Variants in AQP7 observed in about 807,000 individuals in gnomAD.
AQP7 encodes aquaporin-7.
In AQP7, 22 loss-of-function variants were observed where a neutral mutation model predicts 26.1. The ratio of observed to expected loss-of-function variants is 0.84; its 90% CI spans 0.60 to 1.20. The LOEUF (loss-of-function observed/expected upper bound fraction) is 1.20, where lower values mean the gene tolerates loss of function less well. Among genes scored for constraint, AQP7 ranks in the 50% most tolerant of loss-of-function variants. The pLI is 0.00. For missense variants in AQP7, 412 were observed against 457.5 expected (o/e 0.90, Z 0.91); for synonymous variants, 167 against 181.7 (o/e 0.92, Z 0.65).
At chr9:33,387,206 C>A in intron 3 of AQP7, 114 bp from the exon 4 acceptor site, 2 of 1,250,198 alleles carry the variant, frequency 1.6e-6, no homozygotes, top group Non-Finnish European at 2.2e-6. Context: ...CCTGGCATTG[C>A]CTCGAAGACC....
chr9:33,389,957 C>A (rs2785208), intron 3 of AQP7, among the ~76,000 whole-genome samples: 1 of 150,720 alleles, frequency 6.6e-6, no homozygotes, highest in South Asian at 2.1e-4. Flanking sequence ...GAACCCAAGA[C>A]GCGGAGCTTG....
intron 3 of AQP7, among the ~76,000 whole-genome samples, chr9:33,393,410 C>T (rs1444879357): frequency 6.6e-6 from 1 of 152,212 alleles, no homozygotes; most frequent in Non-Finnish European, 1.5e-5. Flanking sequence ...ACTGGTCACT[C>T]AGTGGCAGGG....
intron 2 of AQP7, among the ~76,000 whole-genome samples, chr9:33,396,438 C>CAA (rs3055483): frequency 0.079 from 2,392 of 30,184 alleles, 72 homozygotes; most frequent in Non-Finnish European, 0.11. Flanking sequence ...GACTCCATCT[C>CAA]AAAAAAAAAA....
rs528237137 is a variant in AQP7, at chr9:33,386,212, T to C, written c.407-17A>G. The C allele has an allele frequency of 9.9e-6, 16 of 1,613,876 alleles. No homozygotes were observed. In the South Asian group the frequency reaches 1.4e-4, roughly 14 times the overall value. On this transcript the variant is annotated splice_polypyrimidine_tract_variant and intron_variant, in intron 5 of 7. Transcript: ENST00000297988. ...GAATGGCCGCTGCGGAGACACAGAC[T>C]GTCATGCGAACCTGCTCCCAACTAA...
In AQP7 at chr9:33,384,507, A is replaced by G. The variant is rs181268777; in HGVS notation, c.*498T>C. On this transcript the variant is annotated 3_prime_UTR_variant, in exon 8 of 8. Transcript: ENST00000297988. ...TAAGAAAAAAAAAATCTAGAAGAATACTAGGGAAGGAACTAATGAAAAAAA... is the reference window on the plus strand; with the variant it reads ...TAAGAAAAAAAAAATCTAGAAGAATGCTAGGGAAGGAACTAATGAAAAAAA... The G allele has an allele frequency of 6.5e-6, 1 of 153,094 alleles. No homozygotes were observed. Among genetic ancestry groups the G allele is most frequent in the Non-Finnish European group, 1.5e-5 (1 of 68,636 alleles). The allele number at this position is 153,094 out of a possible 1,614,324, so 9.5% of individuals were successfully genotyped here.
intron 3 of AQP7, among the ~76,000 whole-genome samples, chr9:33,387,351 C>A (rs1824943157): frequency 6.6e-6 from 1 of 152,260 alleles, no homozygotes; most frequent in Non-Finnish European, 1.5e-5. Flanking sequence ...GACAAACATC[C>A]AAGCACCTCA....
At chr9:33,397,162 G>A (rs1825915928) in intron 2 of AQP7, among the ~76,000 whole-genome samples, 1 of 151,622 alleles carries the variant, frequency 6.6e-6, no homozygotes, top group African/African-American at 2.4e-5. Flanking sequence ...CCTAAGGGCT[G>A]GGATCATACC....
At chr9:33,394,148 C>T (rs150333675) in intron 3 of AQP7, 6,576 of 152,392 alleles carry the variant, frequency 0.043, 194 homozygotes, top group Non-Finnish European at 0.064. Flanking sequence ...TGCTGGGCCC[C>T]GTGCTCCAGA....
At chr9:33,398,973 CTT>C (rs10533009) in intron 2 of AQP7, among the ~76,000 whole-genome samples, 15,065 of 139,260 alleles carry the variant, frequency 0.11, 763 homozygotes, top group Middle Eastern at 0.16. Context: ...TTTCTTTTTC[CTT>C]TTTTTTTTTT....
At position 33,384,312 on chromosome 9, in the gene AQP7, A is replaced by G. The variant is rs577769004; in HGVS notation, c.*693T>C. On this transcript the variant is annotated 3_prime_UTR_variant, in exon 8 of 8. Transcript: ENST00000297988. The stretch of plus-strand genomic sequence containing the variant: ...ACCAGGAAGAAGAAAGAGGAGCCCA[A>G]CCCCTTAACAGCCTTCAATCTATAA... The G allele has an allele frequency of 1.3e-5, 2 of 151,978 alleles. No individual in the cohort carries two copies. The highest frequency in any genetic ancestry group is 2.4e-5 in the African/African-American group (1 of 41,350). The allele number at this position is 151,978 out of a possible 1,614,324, so 9.4% of individuals were successfully genotyped here.
Position 33,386,155 on chromosome 9 carries a change from G to T in AQP7, c.447C>A (p.Thr149=). 1 of 1,613,966 alleles carries T rather than the reference G, an allele frequency of 6.2e-7. No individual in the cohort carries two copies. The highest frequency in any genetic ancestry group is 1.3e-5 in the African/African-American group (1 of 75,044). ...LHFSGGQLMV[T]GPVATAGIFA... The stretch of plus-strand genomic sequence containing the variant: ...AAATGCCAGCTGTAGCGACGGGACC[G>T]GTCACCATCAGCTGTCCACCCGAAA... The change falls in exon 6 of 8, where the codon ACC becomes ACA. Residue 149 remains threonine, a synonymous_variant. Coordinates refer to ENST00000297988, the MANE Select transcript of AQP7 (RefSeq NM_001170.3).
intron 3 of AQP7, among the ~76,000 whole-genome samples, chr9:33,387,311 G>A (rs898782948): frequency 2.0e-5 from 3 of 152,094 alleles, no homozygotes; most frequent in Admixed American, 6.5e-5. Context: ...ACTGAGAGCC[G>A]GGTGGAGCGG....
At chr9:33,386,051 A>C (rs202205445) in intron 6 of AQP7, 26 bp downstream of exon 6, 2 of 1,611,436 alleles carry the variant, frequency 1.2e-6, no homozygotes, top group East Asian at 4.5e-5. Flanking sequence ...GGGCAGGGGG[A>C]GGGATACTCA....
intron 3 of AQP7, chr9:33,391,609 C>T (rs1419719055): frequency 5.8e-6 from 1 of 171,606 alleles, no homozygotes; most frequent in African/African-American, 2.4e-5. Context: ...AGTCCACTTC[C>T]CTCATCCTGG....
chr9:33,390,428 G>A (rs1419655973), intron 3 of AQP7, among the ~76,000 whole-genome samples: 2 of 151,640 alleles, frequency 1.3e-5, no homozygotes, highest in Non-Finnish European at 2.9e-5. Flanking sequence ...AGGAAGTGTT[G>A]ATTATTTTAC....
chr9:33,395,335 G>C, intron 2 of AQP7, 140 bp from the exon 3 acceptor site: 1 of 694,552 alleles, frequency 1.4e-6, no homozygotes, highest in Non-Finnish European at 2.5e-6. Flanking sequence ...AGGGCAGCTG[G>C]GACAGCTGGA....
chr9:33,394,977 A>G (rs1290446369), intron 3 of AQP7, 101 bp downstream of exon 3: 3 of 1,021,424 alleles, frequency 2.9e-6, no homozygotes, highest in Non-Finnish European at 4.5e-6. Flanking sequence ...CCCAGCTCAG[A>G]GGCAAGGAAT....
In AQP7 at chr9:33,400,568, G is replaced by A. The variant is rs188896635; in HGVS notation, c.26+669C>T. 2.8e-4 allele frequency among the ~76,000 whole-genome samples: 43 copies of A among 152,204 alleles called. 1 individual carries two copies. The highest frequency in any genetic ancestry group is 1.0e-3 in the African/African-American group (43 of 41,520). The stretch of plus-strand genomic sequence containing the variant: ...AGGCCAAGGCGGGTGGATCACCTGA[G>A]GTCAGGAGTTCAAGAACAGCCTGGC... On this transcript the variant is annotated intron_variant, in intron 2 of 7. Coordinates refer to ENST00000297988, the MANE Select transcript of AQP7 (RefSeq NM_001170.3).
In AQP7 at chr9:33,385,184, G is replaced by A; in HGVS notation, c.850C>T (p.Pro284Ser). The part of the protein sequence containing the change: ...VFIGSTIPRE[P>S]LKLEDSVAYE... ...GCCACAGAATCCTCCAATTTCAGGG[G>A]CTCCCGTGGGATGGTGGAGCCAATG... is the stretch of plus-strand genomic sequence containing the variant. Residue 284 changes from proline (P) to serine (S), a missense_variant, in exon 8 of 8, where the codon CCC (proline) becomes TCC (serine). Transcript: ENST00000297988. 1 of 1,611,896 alleles carries A rather than the reference G, an allele frequency of 6.2e-7. No homozygotes were observed. Among genetic ancestry groups the A allele is most frequent in the East Asian group, 2.2e-5 (1 of 44,868 alleles).
Sources: allele counts gnomAD v4.1 joint callset (sites outside exome capture counted in the v4.1 genomes callset), GRCh38; gene constraint gnomAD v4.1.1; transcripts MANE v1.5; gene names NCBI Gene and HGNC (gene_info 2026-07-23, HGNC 2026-07-21).